TMEM8B: variants seen among roughly 807,000 people sequenced by gnomAD.
The protein encoded by TMEM8B is nasopharyngeal carcinoma expressed 6.
TMEM8B carries 29 observed loss-of-function variants against 49.3 expected under a neutral mutation model. The observed-to-expected ratio is 0.59, with a 90% CI of 0.44 to 0.80. The LOEUF (loss-of-function observed/expected upper bound fraction) is 0.80, where lower values mean the gene tolerates loss of function less well. Among genes scored for constraint, TMEM8B ranks in the 30% least tolerant of loss-of-function variants. The probability of loss-of-function intolerance (pLI) is 0.00; values close to 1 mark genes in which losing one functional copy is unlikely to be tolerated. For missense variants in TMEM8B, 575 were observed against 658.5 expected, an observed-to-expected ratio of 0.87 and a Z score of 1.39; for synonymous variants, 264 against 272.8, an observed-to-expected ratio of 0.97 and a Z score of 0.32.
At chr9:35,839,128 C>T (rs1321864144) in intron 3 of TMEM8B, among the ~76,000 whole-genome samples, 1 of 152,260 alleles carries the variant, frequency 6.6e-6, no homozygotes, top group East Asian at 1.9e-4. Context: ...CTTCAGTCTG[C>T]AAGCCCCACC....
At position 35,842,847 on chromosome 9, in the gene TMEM8B, G is replaced by A. The variant is rs1564029450; in HGVS notation, c.1635+130G>A. The stretch of plus-strand genomic sequence containing the variant: ...GCTCCCACCCATCCTGACAATTAGG[G>A]ACCATGGCTCAGCCCAATTCTGGTC... On this transcript the variant is annotated intron_variant, in intron 6 of 12. Coordinates refer to ENST00000643932, the MANE Select transcript of TMEM8B (RefSeq NM_001042590.4). The surrounding 1 kb of genome is among the most constrained non-coding windows in gnomAD (Gnocchi z 5.6). 6 of 954,184 alleles carry A rather than the reference G, an allele frequency of 6.3e-6. No homozygotes were observed. Among genetic ancestry groups the A allele is most frequent in the Admixed American group, 3.0e-5 (1 of 33,796 alleles). 59.1% of individuals were successfully genotyped at this position (954,184 alleles called of 1,614,324 possible). A position where few individuals can be genotyped will look rare whatever the true frequency, so the allele number is the denominator to read the frequency against.
Position 35,860,962 on chromosome 9 carries a change from G to C in TMEM8B, c.*7122G>C, listed in dbSNP as rs945572493. 1 of 152,190 alleles carries C rather than the reference G, an allele frequency of 6.6e-6. No individual in the cohort carries two copies. Among genetic ancestry groups the C allele is most frequent in the Non-Finnish European group, 1.5e-5 (1 of 68,020 alleles). 9.4% of individuals were successfully genotyped at this position (152,190 alleles called of 1,614,324 possible). ...TTCTCCTCGGGAAAGGCCAGCGTCA[G>C]GTATTCCTAGGAGGAAGCCCAGGTG... On this transcript the variant is annotated 3_prime_UTR_variant, in exon 13 of 13. Coordinates refer to ENST00000643932, the MANE Select transcript of TMEM8B (RefSeq NM_001042590.4).
At position 35,842,804 on chromosome 9, in the gene TMEM8B, A is replaced by G. The variant is rs756417441; in HGVS notation, c.1635+87A>G. The stretch of plus-strand genomic sequence containing the variant: ...GGGTGTTGGGGTGTTTACCTCCTCC[A>G]GGAAGCCTGTCCAGGTTGCTCCCAC... On this transcript the variant is annotated intron_variant, in intron 6 of 12. Coordinates refer to ENST00000643932, the MANE Select transcript of TMEM8B (RefSeq NM_001042590.4). The surrounding 1 kb of genome is among the most constrained non-coding windows in gnomAD (Gnocchi z 5.6). The G allele has an allele frequency of 2.6e-5, 36 of 1,406,866 alleles. No homozygotes were observed. The highest frequency in any genetic ancestry group is 3.4e-5 in the Non-Finnish European group (36 of 1,057,222). The allele number at this position is 1,406,866 out of a possible 1,614,324, so 87.1% of individuals were successfully genotyped here.
chr9:35,833,928 A>G (rs1830167781), intron 1 of TMEM8B, among the ~76,000 whole-genome samples: 1 of 152,116 alleles, frequency 6.6e-6, no homozygotes, highest in South Asian at 2.1e-4. Flanking sequence ...GGGAACAGAA[A>G]GGGGAAGAAA....
chr9:35,834,326 C>CTGAA (rs756607314), intron 1 of TMEM8B, 135 bp from the exon 2 acceptor site: 111 of 398,028 alleles, frequency 2.8e-4, no homozygotes, highest in Non-Finnish European at 4.5e-4. Flanking sequence ...GATCTGCAGC[C>CTGAA]TGAAACCCAG....
In TMEM8B at chr9:35,860,614, A is replaced by G. The variant is rs1005758081; in HGVS notation, c.*6774A>G. 6.6e-6 allele frequency: 1 copy of G among 151,498 alleles called. No individual in the cohort carries two copies. The highest frequency in any genetic ancestry group is 1.5e-5 in the Non-Finnish European group (1 of 67,906). 9.4% of individuals were successfully genotyped at this position (151,498 alleles called of 1,614,324 possible). A position where few individuals can be genotyped will look rare whatever the true frequency, so the allele number is the denominator to read the frequency against. ...ATATTTCAGCCCCATAGGATGTGTA[A>G]GCTTGATTTCTGGTCATCTCTCCTT... On this transcript the variant is annotated 3_prime_UTR_variant, in exon 13 of 13. Coordinates refer to ENST00000643932, the MANE Select transcript of TMEM8B (RefSeq NM_001042590.4).
At chr9:35,833,448 G>C (rs1830114967) in intron 1 of TMEM8B, 1 of 802,500 alleles carries the variant, frequency 1.2e-6, no homozygotes, top group South Asian at 5.7e-5. Flanking sequence ...CTCTTCCCCT[G>C]TCTGCTACTG....
intron 6 of TMEM8B, among the ~76,000 whole-genome samples, chr9:35,844,683 G>A (rs576919254): frequency 1.2e-4 from 19 of 152,316 alleles, no homozygotes; most frequent in African/African-American, 4.3e-4. Flanking sequence ...CCTTGAAACC[G>A]TAGACCCTGA....
Position 35,862,376 on chromosome 9 carries a change from A to T in TMEM8B, c.*8536A>T, listed in dbSNP as rs1832667846. 6.6e-6 allele frequency: 1 copy of T among 152,250 alleles called. No homozygotes were observed. Among genetic ancestry groups the T allele is most frequent in the African/African-American group, 2.4e-5 (1 of 41,470 alleles). 9.4% of individuals were successfully genotyped at this position (152,250 alleles called of 1,614,324 possible). A position where few individuals can be genotyped will look rare whatever the true frequency, so the allele number is the denominator to read the frequency against. On this transcript the variant is annotated 3_prime_UTR_variant, in exon 13 of 13. Coordinates refer to ENST00000643932, the MANE Select transcript of TMEM8B (RefSeq NM_001042590.4). ...CTGATGGGGGTGTTGCTGCAGACAG[A>T]ACTATGTCCATCTCAAATTCTGACA... is the stretch of plus-strand genomic sequence containing the variant.
intron 1 of TMEM8B, among the ~76,000 whole-genome samples, chr9:35,831,877 A>G (rs1056192145): frequency 3.3e-5 from 5 of 152,194 alleles, no homozygotes; most frequent in Admixed American, 6.5e-5. Context: ...ACCAAAGTAC[A>G]GGGTGCTCTG....
In TMEM8B at chr9:35,862,975, G is replaced by C. The variant is rs1832676488; in HGVS notation, c.*9135G>C. 1 of 152,132 alleles carries C rather than the reference G, an allele frequency of 6.6e-6. No individual in the cohort carries two copies. Among genetic ancestry groups the C allele is most frequent in the African/African-American group, 2.4e-5 (1 of 41,414 alleles). The allele number at this position is 152,132 out of a possible 1,614,324, so 9.4% of individuals were successfully genotyped here. A position where few individuals can be genotyped will look rare whatever the true frequency, so the allele number is the denominator to read the frequency against. ...TGCCATTTGAGTTGAACTATTTATT[G>C]ACATCCAGTGTTGTTCTGCCAAAAA... On this transcript the variant is annotated 3_prime_UTR_variant, in exon 13 of 13. Coordinates refer to ENST00000643932, the MANE Select transcript of TMEM8B (RefSeq NM_001042590.4).
chr9:35,838,438 A>G (rs1830652428), intron 3 of TMEM8B, among the ~76,000 whole-genome samples: 1 of 151,780 alleles, frequency 6.6e-6, no homozygotes, highest in Admixed American at 6.6e-5. Flanking sequence ...CTTGATCTCC[A>G]GGTTGTAGTG....
chr9:35,837,284 G>T (rs1830528510), intron 3 of TMEM8B, among the ~76,000 whole-genome samples: 1 of 151,944 alleles, frequency 6.6e-6, no homozygotes, highest in Non-Finnish European at 1.5e-5. Context: ...TGGGTTGTGT[G>T]CTGGGGACAC....
In TMEM8B at chr9:35,863,931, G is replaced by A. The variant is rs4879933; in HGVS notation, c.*10091G>A. The A allele has an allele frequency of 0.62, 93,685 of 152,130 alleles. 29,928 individuals carry two copies. The highest frequency in any genetic ancestry group is 0.74 in the Middle Eastern group (219 of 294). The allele number at this position is 152,130 out of a possible 1,614,324, so 9.4% of individuals were successfully genotyped here. A position where few individuals can be genotyped will look rare whatever the true frequency, so the allele number is the denominator to read the frequency against. On this transcript the variant is annotated 3_prime_UTR_variant, in exon 13 of 13. Transcript: ENST00000643932. The stretch of plus-strand genomic sequence containing the variant: ...TCTAGTGGCCATCTACCAGTGTCAC[G>A]CAGTGTCACGCTCGGTCATGGCCTG...
chr9:35,846,169 T>C, intron 7 of TMEM8B, 89 bp from the exon 8 acceptor site: 2 of 1,607,280 alleles, frequency 1.2e-6, no homozygotes, highest in Non-Finnish European at 8.5e-7. Flanking sequence ...AATGATAGGC[T>C]AGGGTTCCGG....
chr9:35,837,270 GC>G (rs570443100), intron 3 of TMEM8B, among the ~76,000 whole-genome samples: 1 of 152,076 alleles, frequency 6.6e-6, no homozygotes, highest in Non-Finnish European at 1.5e-5. Context: ...TTTGTGCCAG[GC>G]CTTGGGTTGT....
rs74636628 is a variant in TMEM8B, at chr9:35,859,291, G to A, written c.*5451G>A. ...GAGCAGGTGGAGAAGGCTTTGCACC[G>A]GCCTGCAGCAGAGGGTACCCTAAGG... On this transcript the variant is annotated 3_prime_UTR_variant, in exon 13 of 13. Coordinates refer to ENST00000643932, the MANE Select transcript of TMEM8B (RefSeq NM_001042590.4). 8.1e-3 allele frequency: 1,285 copies of A among 159,536 alleles called. 17 individuals are homozygous for A. Among genetic ancestry groups the A allele is most frequent in the African/African-American group, 0.029 (1,230 of 41,848 alleles). The allele number at this position is 159,536 out of a possible 1,614,324, so 9.9% of individuals were successfully genotyped here.
At chr9:35,851,837 G>A (rs572683915) in intron 10 of TMEM8B, among the ~76,000 whole-genome samples, 1 of 152,252 alleles carries the variant, frequency 6.6e-6, no homozygotes, top group Non-Finnish European at 1.5e-5. Flanking sequence ...TGTAATTTTT[G>A]CAGTTTAAAT....
At chr9:35,833,816 C>T (rs961900813) in intron 1 of TMEM8B, among the ~76,000 whole-genome samples, 3 of 152,140 alleles carry the variant, frequency 2.0e-5, no homozygotes, top group Non-Finnish European at 4.4e-5. Context: ...AAGCAGGCCC[C>T]TGGCAGCCGT....
Sources: gnomAD v4.1 joint callset for allele counts (sites outside exome capture counted in the v4.1 genomes callset) on GRCh38, gnomAD v4.1.1 for gene constraint, Gnocchi (gnomAD v3.1) non-coding constraint, MANE v1.5 for transcripts, NCBI Gene and HGNC (gene_info 2026-07-23, HGNC 2026-07-21) for gene names.